Variants in COL26A1 observed in about 807,000 individuals in gnomAD.
The protein encoded by COL26A1 is collagen alpha-1(XXVI) chain.
A neutral mutation model predicts 59.3 loss-of-function variants in COL26A1; 41 were observed. The ratio of observed to expected loss-of-function variants is 0.69; its 90% confidence interval spans 0.54 to 0.90. The LOEUF (loss-of-function observed/expected upper bound fraction) is 0.90. COL26A1 is among the 40% of genes least tolerant of loss of function. The pLI is 0.00. For missense variants in COL26A1, 612 were observed against 602.3 expected, an observed-to-expected ratio of 1.02 and a Z score of -0.17; for synonymous variants, 266 against 256.0, an observed-to-expected ratio of 1.04 and a Z score of -0.37.
At chr7:101,437,728 C>T (rs1479406311) in intron 2 of COL26A1, among the ~76,000 whole-genome samples, 1 of 149,706 alleles carries the variant, frequency 6.7e-6, no homozygotes, top group African/African-American at 2.5e-5. Context: ...GCACGTGCCA[C>T]TACACCCCAC....
intron 1 of COL26A1, among the ~76,000 whole-genome samples, chr7:101,369,786 C>T (rs1791142120): frequency 6.6e-6 from 1 of 152,142 alleles, no homozygotes; most frequent in South Asian, 2.1e-4. Flanking sequence ...TTTCCCTCCA[C>T]TGGGGTTACA....
chr7:101,503,621 A>G (rs1448105533), intron 3 of COL26A1, among the ~76,000 whole-genome samples: 1 of 152,198 alleles, frequency 6.6e-6, no homozygotes, highest in Non-Finnish European at 1.5e-5. Flanking sequence ...GCCTCTGGTG[A>G]TCATCCCGCC....
At chr7:101,546,401 A>T (rs1159079339) in intron 7 of COL26A1, among the ~76,000 whole-genome samples, 3 of 141,896 alleles carry the variant, frequency 2.1e-5, no homozygotes, top group East Asian at 4.2e-4. Context: ...CATCTAACTA[A>T]TTTTTTTTTT....
At chr7:101,476,142 T>C (rs1794040299) in intron 3 of COL26A1, among the ~76,000 whole-genome samples, 1 of 146,234 alleles carries the variant, frequency 6.8e-6, no homozygotes, top group Admixed American at 6.9e-5. Flanking sequence ...TCCCAGCTAA[T>C]TGTGTGTGTG....
chr7:101,531,173 A>G (rs534795978), intron 3 of COL26A1, among the ~76,000 whole-genome samples: 30 of 152,148 alleles, frequency 2.0e-4, no homozygotes, highest in Admixed American at 3.3e-4. Flanking sequence ...GGGTTTCACC[A>G]TGTTAGCCAG....
intron 1 of COL26A1, among the ~76,000 whole-genome samples, chr7:101,375,423 CAGTGGCTCACA>C (rs1805251238): frequency 6.6e-6 from 1 of 152,210 alleles, no homozygotes; most frequent in South Asian, 2.1e-4. Flanking sequence ...TGGCTGGGCA[CAGTGGCTCACA>C]CCTATAATCC....
intron 1 of COL26A1, among the ~76,000 whole-genome samples, chr7:101,373,080 C>T (rs146365248): frequency 6.6e-6 from 1 of 152,310 alleles, no homozygotes; most frequent in Non-Finnish European, 1.5e-5. Context: ...AGCTTGCCTT[C>T]ATAGTCTGGG....
At chr7:101,421,365 T>C (rs537807806) in intron 2 of COL26A1, among the ~76,000 whole-genome samples, 1 of 152,240 alleles carries the variant, frequency 6.6e-6, no homozygotes, top group Non-Finnish European at 1.5e-5. Flanking sequence ...CCTGCTTTAC[T>C]CCAAGTCTAC....
chr7:101,483,439 A>T (rs1364119241), intron 3 of COL26A1, among the ~76,000 whole-genome samples: 2 of 151,872 alleles, frequency 1.3e-5, no homozygotes, highest in Non-Finnish European at 2.9e-5. Context: ...CTCGTGATCC[A>T]CCCACCTCAG....
chr7:101,445,832 G>A (rs1232240469), intron 2 of COL26A1, among the ~76,000 whole-genome samples: 9 of 150,630 alleles, frequency 6.0e-5, no homozygotes, highest in African/African-American at 2.2e-4. Flanking sequence ...GGCGGATCAC[G>A]AGGTCAGGAG....
chr7:101,513,275 T>C (rs1794963972), intron 3 of COL26A1, among the ~76,000 whole-genome samples: 1 of 151,996 alleles, frequency 6.6e-6, no homozygotes, highest in Non-Finnish European at 1.5e-5. Flanking sequence ...CCCAAAGTGC[T>C]GGGATTACAG....
chr7:101,497,800 G>C (rs1167395242), intron 3 of COL26A1, among the ~76,000 whole-genome samples: 2 of 152,144 alleles, frequency 1.3e-5, no homozygotes, highest in Non-Finnish European at 2.9e-5. Flanking sequence ...GGGCAACATA[G>C]CTAGGCCCCA....
At chr7:101,439,461 G>A (rs1321437802) in intron 2 of COL26A1, among the ~76,000 whole-genome samples, 2 of 147,808 alleles carry the variant, frequency 1.4e-5, no homozygotes, top group African/African-American at 2.5e-5. Flanking sequence ...GGCTCAGGCA[G>A]GAGAATCACT....
intron 3 of COL26A1, among the ~76,000 whole-genome samples, chr7:101,527,318 CTTTTTTCTTTTTA>C (rs1483786537): frequency 1.3e-5 from 2 of 151,756 alleles, no homozygotes; most frequent in African/African-American, 4.8e-5. Context: ...TTTTCTTTTT[CTTTTTTCTTTTTA>C]TTTTTTTCTC....
At position 101,533,052 on chromosome 7, in the gene COL26A1, G is replaced by A. The variant is rs767882897; in HGVS notation, c.386-30G>A. 3 of 1,563,048 alleles carry A rather than the reference G, an allele frequency of 1.9e-6. No homozygotes were observed. In the African/African-American group the frequency reaches 4.1e-5, roughly 21 times the overall value. On this transcript the variant is annotated intron_variant, in intron 3 of 12. Coordinates refer to ENST00000313669, the MANE Select transcript of COL26A1 (RefSeq NM_001278563.3). ...GCTGTCTTCCTAGGGTCTACACTCT[G>A]CTCTCATATAAGTTCCTCTTCTCTT...
At chr7:101,542,865 T>G (rs544131538) in intron 5 of COL26A1, among the ~76,000 whole-genome samples, 16 of 152,296 alleles carry the variant, frequency 1.1e-4, no homozygotes, top group African/African-American at 3.8e-4. Flanking sequence ...GCCCACATTC[T>G]TCAGATCTTT....
At chr7:101,387,630 G>GCTCTCTCTCTCTCT (rs374185692) in intron 1 of COL26A1, among the ~76,000 whole-genome samples, 14 of 132,422 alleles carry the variant, frequency 1.1e-4, no homozygotes, top group African/African-American at 3.7e-4. Context: ...TCTCTCTCTC[G>GCTCTCTCTCTCTCT]CTCTCTCTCT....
At chr7:101,502,637 AGG>A (rs1794729186) in intron 3 of COL26A1, among the ~76,000 whole-genome samples, 2 of 109,012 alleles carry the variant, frequency 1.8e-5, no homozygotes, top group African/African-American at 8.3e-5. Context: ...CCCCACTGTC[AGG>A]GGGGACCCAG....
chr7:101,440,151 A>G (rs1027783673), intron 2 of COL26A1, among the ~76,000 whole-genome samples: 4 of 152,108 alleles, frequency 2.6e-5, no homozygotes, highest in Non-Finnish European at 4.4e-5. Context: ...AGATCACCTG[A>G]GGTCAGGAGT....
Sources: gnomAD v4.1 joint callset for allele counts (sites outside exome capture counted in the v4.1 genomes callset) on GRCh38, gnomAD v4.1.1 for gene constraint, MANE v1.5 for transcripts, NCBI Gene and HGNC (gene_info 2026-07-23, HGNC 2026-07-21) for gene names.